LRP1B: variants seen among roughly 807,000 people sequenced by gnomAD.
LRP1B encodes the protein LDL receptor related protein 1B.
A neutral mutation model predicts 556.6 loss-of-function variants in LRP1B; 217 were observed. The observed-to-expected ratio is 0.39, with a 90% CI of 0.35 to 0.44. LRP1B has a LOEUF of 0.44. Among genes scored for constraint, LRP1B ranks in the 20% least tolerant of loss-of-function variants. The pLI, the probability that LRP1B is intolerant of heterozygous loss-of-function variation, is 1.00. For synonymous variants in LRP1B, 2,047 were observed against 1,865.8 expected, an observed-to-expected ratio of 1.10 and a Z score of -2.50; for missense variants, 5,053 against 5,620.8, an observed-to-expected ratio of 0.90 and a Z score of 3.23.
intron 43 of LRP1B, among the ~76,000 whole-genome samples, chr2:140,586,874 A>G (rs1272355290): frequency 6.6e-6 from 1 of 152,208 alleles, no homozygotes; most frequent in Non-Finnish European, 1.5e-5. Flanking sequence ...TGAAAAAATC[A>G]CAACTAATAG....
At chr2:141,492,091 A>AAAAAAAAACC (rs67960557) in intron 2 of LRP1B, among the ~76,000 whole-genome samples, 4 of 100,198 alleles carry the variant, frequency 4.0e-5, no homozygotes, top group East Asian at 3.1e-4. Flanking sequence ...AAAAAAAAAA[A>AAAAAAAAACC]CACTAAGAAA....
chr2:141,011,187 T>C (rs1458031604), intron 14 of LRP1B, among the ~76,000 whole-genome samples: 3 of 135,846 alleles, frequency 2.2e-5, no homozygotes, highest in Non-Finnish European at 4.8e-5. Flanking sequence ...CTTCAATTGC[T>C]ATATTTTATC....
chr2:140,451,391 T>A (rs574449182), intron 62 of LRP1B, among the ~76,000 whole-genome samples: 2 of 152,340 alleles, frequency 1.3e-5, no homozygotes, highest in South Asian at 4.1e-4. Flanking sequence ...ATCAGGAATA[T>A]CAGGAAGAGA....
chr2:140,385,815 T>C (rs1407549827), intron 67 of LRP1B, 78 bp downstream of exon 67: 1 of 937,466 alleles, frequency 1.1e-6, no homozygotes, highest in African/African-American at 1.6e-5. Context: ...ATTTATACCT[T>C]AACAGAACTA....
chr2:140,803,069 A>G (rs1436098316), intron 32 of LRP1B, among the ~76,000 whole-genome samples: 2 of 152,052 alleles, frequency 1.3e-5, no homozygotes, highest in East Asian at 3.9e-4. Context: ...CCCCCTCTGA[A>G]GACATTTGGA....
rs796532714 is a variant in LRP1B, at chr2:140,881,697, T to G, written c.4169+2120A>C. ...GTAATTATCTTAATTAGCCTCACTG[T>G]TTCATAGCAGCAATTAGTGATGGAA... On this transcript the variant is annotated intron_variant, in intron 25 of 90. Transcript: ENST00000389484. 8.5e-5 allele frequency among the ~76,000 whole-genome samples: 13 copies of G among 152,290 alleles called. 1 individual carries two copies. Among genetic ancestry groups the G allele is most frequent in the African/African-American group, 3.1e-4 (13 of 41,572 alleles).
chr2:141,755,636 T>G (rs114201079), intron 2 of LRP1B, among the ~76,000 whole-genome samples: 2,092 of 152,142 alleles, frequency 0.014, 47 homozygotes, highest in African/African-American at 0.047. Context: ...GCTATAATTT[T>G]TAAACTACAA....
chr2:140,375,919 T>C (rs1025451486), intron 68 of LRP1B, among the ~76,000 whole-genome samples: 25 of 152,118 alleles, frequency 1.6e-4, no homozygotes, highest in African/African-American at 6.0e-4. Context: ...TATTATCAGT[T>C]CCATTCATAC....
chr2:140,311,916 C>T (rs1573772203), intron 83 of LRP1B, among the ~76,000 whole-genome samples: 1 of 151,960 alleles, frequency 6.6e-6, no homozygotes, highest in East Asian at 1.9e-4. Flanking sequence ...TCCTTTACTA[C>T]ATATGTTTTG....
At chr2:140,252,062 C>CAAAAAAAAAAAAAAAAAAA in intron 86 of LRP1B, among the ~76,000 whole-genome samples, 16 of 18,562 alleles carry the variant, frequency 8.6e-4, no homozygotes, top group East Asian at 5.6e-3. Flanking sequence ...TGACAAGATG[C>CAAAAAAAAAAAAAAAAAAA]AAAAAAAAAA....
chr2:140,906,137 GC>G (rs1185503810), intron 22 of LRP1B, among the ~76,000 whole-genome samples: 1 of 152,018 alleles, frequency 6.6e-6, no homozygotes, highest in African/African-American at 2.4e-5. Context: ...AGTTCAATAT[GC>G]CACAATGCTG....
chr2:140,527,558 A>T (rs1690489504), intron 47 of LRP1B, among the ~76,000 whole-genome samples: 1 of 151,926 alleles, frequency 6.6e-6, no homozygotes, highest in Non-Finnish European at 1.5e-5. Context: ...GATTAGAATA[A>T]ATGTTTTATT....
intron 1 of LRP1B, among the ~76,000 whole-genome samples, chr2:142,033,690 T>C (rs1456714014): frequency 6.6e-6 from 1 of 151,734 alleles, no homozygotes; most frequent in Non-Finnish European, 1.5e-5. Context: ...GGCATTCCAA[T>C]GAGATGACAC....
chr2:141,027,201 C>G (rs181095637), intron 11 of LRP1B, among the ~76,000 whole-genome samples: 1 of 152,080 alleles, frequency 6.6e-6, no homozygotes, highest in Admixed American at 6.6e-5. Context: ...ATCACAAAGA[C>G]CGTATATAGT....
Position 142,018,658 on chromosome 2 carries a change from A to G in LRP1B, c.82+111990T>C, listed in dbSNP as rs1191312727. Among the ~76,000 whole-genome samples, 17 of 152,270 alleles carry G rather than the reference A, an allele frequency of 1.1e-4. No homozygotes were observed. In the East Asian group the frequency reaches 3.3e-3, roughly 29 times the overall value. On this transcript the variant is annotated intron_variant, in intron 1 of 90. Transcript: ENST00000389484. ...CTGACATAAAAAATTTTATTTGCAA[A>G]GTCTACATGAGTTAGACTTTTATCC...
chr2:141,329,643 C>CAAAAAACA (rs1687562460), intron 3 of LRP1B, among the ~76,000 whole-genome samples: 1 of 28,978 alleles, frequency 3.5e-5, no homozygotes, highest in Non-Finnish European at 6.8e-5. Context: ...GACTCTGTCT[C>CAAAAAACA]AAAAAAAAAA....
At chr2:141,721,863 C>G (rs918177378) in intron 2 of LRP1B, among the ~76,000 whole-genome samples, 2 of 152,128 alleles carry the variant, frequency 1.3e-5, no homozygotes, top group African/African-American at 4.8e-5. Context: ...CATCCTTTAT[C>G]CAGACCATTA....
rs1018120646 is a variant in LRP1B at position 140,330,409 on chromosome 2, A to G, written c.12223+4044T>C. Among the ~76,000 whole-genome samples the G allele has an allele frequency of 2.0e-5, 3 of 152,004 alleles. No homozygotes were observed. In the East Asian group the frequency reaches 5.8e-4, roughly 30 times the overall value. On this transcript the variant is annotated intron_variant, in intron 79 of 90. Coordinates refer to ENST00000389484, the MANE Select transcript of LRP1B (RefSeq NM_018557.3). Reference sequence around the variant, plus strand: ...AATGGAACAGAATAGAGAGCTCAGAAATAAGACTGCACATTTACAACCATC... The same window carrying G: ...AATGGAACAGAATAGAGAGCTCAGAGATAAGACTGCACATTTACAACCATC...
intron 23 of LRP1B, among the ~76,000 whole-genome samples, chr2:140,892,333 G>A (rs768480883): frequency 6.6e-6 from 1 of 152,100 alleles, no homozygotes; most frequent in Non-Finnish European, 1.5e-5. Context: ...TATCGGAAAT[G>A]TCTAAAGTTT....
Sources: gnomAD v4.1 joint callset for allele counts (sites outside exome capture counted in the v4.1 genomes callset) on GRCh38, gnomAD v4.1.1 for gene constraint, MANE v1.5 for transcripts, NCBI Gene and HGNC (gene_info 2026-07-23, HGNC 2026-07-21) for gene names.